Variants in SYT1 observed in about 807,000 individuals in gnomAD.
SYT1 encodes synaptotagmin-1.
A neutral mutation model predicts 44.8 loss-of-function variants in SYT1; 8 were observed. That is an observed-to-expected ratio of 0.18 (90% confidence interval 0.10 to 0.32). SYT1 has a LOEUF of 0.32. Ranked by LOEUF, SYT1 falls within the 10% of genes least tolerant of loss-of-function variation. The probability of loss-of-function intolerance (pLI) is 1.00; values close to 1 mark genes in which losing one functional copy is unlikely to be tolerated. For missense variants in SYT1, 286 were observed against 509.3 expected, an observed-to-expected ratio of 0.56 and a Z score of 4.22; for synonymous variants, 154 against 188.8, an observed-to-expected ratio of 0.82 and a Z score of 1.51.
intron 3 of SYT1, among the ~76,000 whole-genome samples, chr12:79,124,036 ATCTAACTAT>A (rs1868330658): frequency 6.6e-6 from 1 of 152,210 alleles, no homozygotes; most frequent in Non-Finnish European, 1.5e-5. Flanking sequence ...AAAAACCTGC[ATCTAACTAT>A]TCAATGTTTG....
chr12:79,332,963 CAT>C (rs935711237), intron 8 of SYT1, among the ~76,000 whole-genome samples: 1 of 152,132 alleles, frequency 6.6e-6, no homozygotes, highest in African/African-American at 2.4e-5. Context: ...GTAGATGCAA[CAT>C]GTTTGTCACA....
intron 3 of SYT1, among the ~76,000 whole-genome samples, chr12:79,179,074 A>C (rs866747478): frequency 7.3e-5 from 9 of 123,318 alleles, no homozygotes; most frequent in Admixed American, 1.7e-4. Context: ...ATAGATATAT[A>C]GATATAGATA....
rs555257944 is a variant in SYT1 at position 79,285,189 on chromosome 12, T to C, written c.167-598T>C. Among the ~76,000 whole-genome samples the C allele has an allele frequency of 6.6e-5, 10 of 152,346 alleles. No individual in the cohort carries two copies. The East Asian group carries it at 9.6e-4, about 15-fold the overall frequency. ...ATTAACCTTCACTATTGTTATGATTTGACATTTGTTGTTCTATATATACAA... is the reference window on the plus strand; with the variant it reads ...ATTAACCTTCACTATTGTTATGATTCGACATTTGTTGTTCTATATATACAA... On this transcript the variant is annotated intron_variant, in intron 4 of 10. Transcript: ENST00000261205.
chr12:78,881,454 G>A (rs547547528), intron 1 of SYT1, among the ~76,000 whole-genome samples: 6 of 151,792 alleles, frequency 4.0e-5, no homozygotes, highest in African/African-American at 1.4e-4. Flanking sequence ...TAAAGATTGT[G>A]TCTTATTCTT....
At chr12:79,174,957 T>C (rs563302136) in intron 3 of SYT1, among the ~76,000 whole-genome samples, 25 of 152,042 alleles carry the variant, frequency 1.6e-4, no homozygotes, top group Non-Finnish European at 3.5e-4. Context: ...AAGAATATAT[T>C]TTATTTTATA....
At chr12:79,108,340 C>A (rs916328334) in intron 3 of SYT1, among the ~76,000 whole-genome samples, 1 of 151,630 alleles carries the variant, frequency 6.6e-6, no homozygotes, top group Non-Finnish European at 1.5e-5. Flanking sequence ...TGTTTAATAT[C>A]TTTAATATGT....
At position 79,441,761 on chromosome 12, in the gene SYT1, G is replaced by A. The variant is rs1345276654; in HGVS notation, c.929-2312G>A. On this transcript the variant is annotated intron_variant, in intron 9 of 10. Transcript: ENST00000261205. ...CTCACCGTCTACCTCTCTTCCCCCT[G>A]CCTTCATTGTTTCTCAAACATGCAG... Among the ~76,000 whole-genome samples the A allele has an allele frequency of 3.9e-5, 6 of 152,286 alleles. No individual in the cohort carries two copies. In the South Asian group the frequency reaches 8.3e-4, roughly 21 times the overall value.
chr12:78,912,520 G>C (rs954372964), intron 1 of SYT1, among the ~76,000 whole-genome samples: 1 of 151,794 alleles, frequency 6.6e-6, no homozygotes, highest in Non-Finnish European at 1.5e-5. Flanking sequence ...TAAAAATAAA[G>C]AGAGTTTGGT....
At chr12:79,352,326 A>G (rs1450329018) in intron 8 of SYT1, among the ~76,000 whole-genome samples, 1 of 152,160 alleles carries the variant, frequency 6.6e-6, no homozygotes, top group Non-Finnish European at 1.5e-5. Flanking sequence ...TATAGTCATA[A>G]TAAGGGTATT....
At chr12:79,280,221 C>G (rs183523181) in intron 4 of SYT1, among the ~76,000 whole-genome samples, 1 of 152,172 alleles carries the variant, frequency 6.6e-6, no homozygotes, top group East Asian at 1.9e-4. Flanking sequence ...CTGGCAATAT[C>G]ACATTACCTG....
intron 4 of SYT1, among the ~76,000 whole-genome samples, chr12:79,276,176 C>A (rs1340094434): frequency 3.3e-5 from 5 of 151,994 alleles, no homozygotes; most frequent in South Asian, 2.1e-4. Context: ...ATAACACCCC[C>A]AAAAGATCAC....
intron 1 of SYT1, among the ~76,000 whole-genome samples, chr12:78,971,894 A>G (rs528861497): frequency 9.9e-5 from 15 of 152,268 alleles, no homozygotes; most frequent in Non-Finnish European, 2.1e-4. Context: ...CAAGGAAGGG[A>G]ATCATTGACC....
chr12:79,317,221 C>T (rs1881132860), intron 8 of SYT1, among the ~76,000 whole-genome samples: 1 of 152,114 alleles, frequency 6.6e-6, no homozygotes, highest in African/African-American at 2.4e-5. Flanking sequence ...CACTTCCTTC[C>T]ATCCTTCCCA....
Position 79,241,352 on chromosome 12 carries a change from C to A in SYT1, c.166+23667C>A, listed in dbSNP as rs1019798044. Among the ~76,000 whole-genome samples, 6 of 152,034 alleles carry A rather than the reference C, an allele frequency of 3.9e-5. No homozygotes were observed. In the East Asian group the frequency reaches 1.2e-3, roughly 29 times the overall value. On this transcript the variant is annotated intron_variant, in intron 4 of 10. Coordinates refer to ENST00000261205, the MANE Select transcript of SYT1 (RefSeq NM_005639.3). Reference sequence around the variant, plus strand: ...GTGGCACGATCTCGGCTCACTGCAACCTCCACCTTCCGGATTCACGTGATT... The same window carrying A: ...GTGGCACGATCTCGGCTCACTGCAAACTCCACCTTCCGGATTCACGTGATT...
intron 3 of SYT1, among the ~76,000 whole-genome samples, chr12:79,066,543 A>G (rs1875874732): frequency 6.6e-6 from 1 of 152,078 alleles, no homozygotes; most frequent in Admixed American, 6.6e-5. Flanking sequence ...CTGGGGAGAG[A>G]GAGCAGAGTC....
At chr12:79,130,442 C>G (rs759298631) in intron 3 of SYT1, among the ~76,000 whole-genome samples, 1 of 152,198 alleles carries the variant, frequency 6.6e-6, no homozygotes, top group African/African-American at 2.4e-5. Flanking sequence ...ATAAGCAGTT[C>G]TCCATGGATG....
intron 2 of SYT1, among the ~76,000 whole-genome samples, chr12:79,016,332 C>T (rs1036523259): frequency 6.6e-6 from 1 of 152,096 alleles, no homozygotes; most frequent in African/African-American, 2.4e-5. Flanking sequence ...AGAATTAAGG[C>T]TGTGTCTAGT....
chr12:79,367,623 C>T (rs528832379), intron 9 of SYT1, among the ~76,000 whole-genome samples: 4 of 152,008 alleles, frequency 2.6e-5, no homozygotes, highest in East Asian at 3.9e-4. Flanking sequence ...GCTTTCCTCT[C>T]GATGAAATTT....
At chr12:78,877,076 A>G (rs1874210863) in intron 1 of SYT1, among the ~76,000 whole-genome samples, 1 of 148,826 alleles carries the variant, frequency 6.7e-6, no homozygotes, top group Non-Finnish European at 1.5e-5. Context: ...ATTTTATAGA[A>G]TATTTATTGA....
Sources: gnomAD v4.1 joint callset for allele counts (sites outside exome capture counted in the v4.1 genomes callset) on GRCh38, gnomAD v4.1.1 for gene constraint, MANE v1.5 for transcripts, NCBI Gene and HGNC (gene_info 2026-07-23, HGNC 2026-07-21) for gene names.